The following FARP1 variants were observed in gnomAD, a reference collection of about 807,000 sequenced individuals.
FARP1 encodes FERM, ARHGEF and pleckstrin domain-containing protein 1.
In FARP1, 52 loss-of-function variants were observed where a neutral mutation model predicts 128.8. The observed-to-expected ratio is 0.40, with a 90% CI of 0.32 to 0.51. The LOEUF (loss-of-function observed/expected upper bound fraction) is 0.51. FARP1 is among the 20% of genes least tolerant of loss of function. The pLI is 0.45. For missense variants in FARP1, 1,333 were observed against 1,367.9 expected (o/e 0.97, Z 0.40); for synonymous variants, 580 against 551.8 (o/e 1.05, Z -0.72).
rs1317146908 is a variant in FARP1 at position 98,377,029 on chromosome 13, G to A, written c.399-792G>A. 2.0e-5 allele frequency among the ~76,000 whole-genome samples: 3 copies of A among 152,022 alleles called. No individual in the cohort carries two copies. In the East Asian group the frequency reaches 5.8e-4, roughly 29 times the overall value. ...ATATAAAGAAAAGAAATGAATGGGT[G>A]CAGTGGGTCATGCTTGTGATCCCAG... On this transcript the variant is annotated intron_variant, in intron 5 of 26. Transcript: ENST00000319562.
chr13:98,220,861 TG>T (rs375417642), intron 2 of FARP1, among the ~76,000 whole-genome samples: 138 of 151,144 alleles, frequency 9.1e-4, no homozygotes, highest in African/African-American at 3.2e-3. Flanking sequence ...ATTTTATCCC[TG>T]AAAAAAAAAA....
chr13:98,209,796 CAAAAAAAAAAAAAAAAAAAAAA>C (rs71111935), intron 1 of FARP1, among the ~76,000 whole-genome samples: 1 of 49,364 alleles, frequency 2.0e-5, no homozygotes, highest in Non-Finnish European at 3.5e-5. Flanking sequence ...AACTGTGTCT[CAAAAAAAAAAAAAAAAAAAAAA>C]AAAAAAAAAA....
chr13:98,332,004 T>A (rs1887529863), intron 2 of FARP1, among the ~76,000 whole-genome samples: 1 of 152,182 alleles, frequency 6.6e-6, no homozygotes, highest in Non-Finnish European at 1.5e-5. Context: ...CCCACCCAGT[T>A]TACCAGTCCA....
At chr13:98,304,293 T>G (rs1886044254) in intron 2 of FARP1, among the ~76,000 whole-genome samples, 2 of 152,240 alleles carry the variant, frequency 1.3e-5, no homozygotes, top group South Asian at 4.1e-4. Flanking sequence ...CTCTTGTTTT[T>G]ACCCATATTT....
In FARP1 at chr13:98,431,077, C is replaced by A; in HGVS notation, c.1940C>A (p.Ala647Asp). Reference protein sequence around the residue: ...LAAHLWKHSEALEALENGIKS... With the variant: ...LAAHLWKHSEDLEALENGIKS... ...GCTCACCTGTGGAAGCACAGCGAGG[C>A]CTTGGAGGCCCTGGAGAATGGAATC... The change falls in exon 18 of 27, where the codon GCC (alanine) becomes GAC (aspartate). Residue 647 changes from alanine to aspartate, a missense_variant. Ala to Asp is a moderately radical substitution (Grantham distance 126, BLOSUM62 -2). Around this residue, in one of 2 missense-constraint regions of FARP1, gnomAD observed 1,009 missense variants for 969.8 expected, o/e 1.04. Coordinates refer to ENST00000319562, the MANE Select transcript of FARP1 (RefSeq NM_005766.4). 1 of 1,614,120 alleles carries A rather than the reference C, an allele frequency of 6.2e-7. No homozygotes were observed. Among genetic ancestry groups the A allele is most frequent in the Non-Finnish European group, 8.5e-7 (1 of 1,179,980 alleles).
At chr13:98,259,922 T>TGTGTGTGTGTGTGTGTGTGTG (rs1883793982) in intron 2 of FARP1, among the ~76,000 whole-genome samples, 5 of 151,020 alleles carry the variant, frequency 3.3e-5, no homozygotes, top group Non-Finnish European at 7.4e-5. Context: ...TGTGTGTGTA[T>TGTGTGTGTGTGTGTGTGTGTG]TGAGAAGACC....
intron 2 of FARP1, among the ~76,000 whole-genome samples, chr13:98,299,283 A>G (rs1402739237): frequency 6.6e-6 from 1 of 152,172 alleles, no homozygotes; most frequent in African/African-American, 2.4e-5. Flanking sequence ...GACCTTTGCT[A>G]GAAACAACCT....
At chr13:98,345,053 C>T (rs149422420) in intron 3 of FARP1, among the ~76,000 whole-genome samples, 4 of 152,326 alleles carry the variant, frequency 2.6e-5, no homozygotes, top group Non-Finnish European at 5.9e-5. Context: ...ACTAGGCACA[C>T]ACAGCTTCTG....
intron 5 of FARP1, among the ~76,000 whole-genome samples, chr13:98,373,369 A>G (rs1401283164): frequency 6.6e-6 from 1 of 152,194 alleles, no homozygotes; most frequent in Non-Finnish European, 1.5e-5. Context: ...CCTCCTATTT[A>G]ATGAAAAACC....
Position 98,216,423 on chromosome 13 carries a change from T to C in FARP1, c.171+3010T>C, listed in dbSNP as rs78218141. On this transcript the variant is annotated intron_variant, in intron 2 of 26. Coordinates refer to ENST00000319562, the MANE Select transcript of FARP1 (RefSeq NM_005766.4). ...AGTGTCTGACCCTGGAAACGTCCTT[T>C]GATGGAGTGCCCCAAGTGAATGACT... Among the ~76,000 whole-genome samples, 905 of 152,270 alleles carry C rather than the reference T, an allele frequency of 5.9e-3. 9 individuals carry two copies. The highest frequency in any genetic ancestry group is 0.021 in the African/African-American group (864 of 41,536).
chr13:98,411,237 C>T (rs1343181275), intron 15 of FARP1, among the ~76,000 whole-genome samples: 5 of 152,044 alleles, frequency 3.3e-5, no homozygotes, highest in African/African-American at 9.7e-5. Flanking sequence ...GCCAGAAGAC[C>T]GCCTTTTATT....
intron 2 of FARP1, among the ~76,000 whole-genome samples, chr13:98,290,497 G>A (rs139325800): frequency 1.7e-3 from 255 of 152,166 alleles, no homozygotes; most frequent in Non-Finnish European, 2.5e-3. Flanking sequence ...TTAAGGAACC[G>A]CAAGGTGTCC....
chr13:98,155,625 C>A (rs1304201294), intron 1 of FARP1, among the ~76,000 whole-genome samples: 3 of 152,112 alleles, frequency 2.0e-5, no homozygotes, highest in Non-Finnish European at 4.4e-5. Context: ...CTCAAGTAAG[C>A]CTTCCACTTC....
intron 2 of FARP1, among the ~76,000 whole-genome samples, chr13:98,304,804 G>A (rs1302609905): frequency 1.3e-5 from 2 of 152,176 alleles, no homozygotes; most frequent in Non-Finnish European, 2.9e-5. Context: ...TGTCTGAGCT[G>A]GGCATAAATT....
At chr13:98,178,459 A>T (rs9556891) in intron 1 of FARP1, among the ~76,000 whole-genome samples, 1 of 152,228 alleles carries the variant, frequency 6.6e-6, no homozygotes, top group Admixed American at 6.5e-5. Flanking sequence ...GCCTCCTAAA[A>T]TGTTGGTATT....
intron 13 of FARP1, chr13:98,404,297 C>T (rs1212885328): frequency 6.6e-6 from 1 of 152,188 alleles, no homozygotes; most frequent in Non-Finnish European, 1.5e-5. Context: ...TCAACAACCT[C>T]AGGTATCAAG....
intron 2 of FARP1, among the ~76,000 whole-genome samples, chr13:98,290,274 C>T (rs1033289280): frequency 4.0e-5 from 6 of 151,888 alleles, no homozygotes; most frequent in African/African-American, 1.5e-4. Flanking sequence ...AAGGAGAGAG[C>T]ATAATGGTGT....
intron 1 of FARP1, among the ~76,000 whole-genome samples, chr13:98,161,507 A>G (rs1288510833): frequency 1.3e-5 from 2 of 152,018 alleles, no homozygotes; most frequent in Middle Eastern, 3.4e-3. Flanking sequence ...ATGAGCCACC[A>G]TGCTCGGCAG....
chr13:98,251,764 T>G (rs1883337222), intron 2 of FARP1, among the ~76,000 whole-genome samples: 1 of 152,084 alleles, frequency 6.6e-6, no homozygotes, highest in Non-Finnish European at 1.5e-5. Flanking sequence ...CATCACCTGT[T>G]GGCATCACGC....
Sources: gnomAD v4.1 joint callset for allele counts (sites outside exome capture counted in the v4.1 genomes callset) on GRCh38, gnomAD v4.1.1 for gene constraint, gnomAD v4.1.1 regional missense constraint, MANE v1.5 for transcripts, NCBI Gene and HGNC (gene_info 2026-07-23, HGNC 2026-07-21) for gene names.